The following EML6 variants were observed in gnomAD, a reference collection of about 807,000 sequenced individuals.
EML6 encodes echinoderm microtubule-associated protein-like 6.
Under a neutral mutation model 240.1 loss-of-function variants are expected in EML6, and 154 were observed. That is an observed-to-expected ratio of 0.64 (90% confidence interval 0.56 to 0.73). The LOEUF is 0.73. EML6 is among the 30% of genes least tolerant of loss of function. EML6 has a pLI of 0.00. For synonymous variants in EML6, 1,148 were observed against 899.0 expected (o/e 1.28, Z -4.95); for missense variants, 2,964 against 2,474.6 (o/e 1.20, Z -4.20).
In EML6 at chr2:54,793,666, A is replaced by G. The variant is rs374824313; in HGVS notation, c.198-19566A>G. Among the ~76,000 whole-genome samples the G allele has an allele frequency of 2.2e-4, 33 of 152,206 alleles. No homozygotes were observed. The East Asian group carries it at 6.0e-3, about 28-fold the overall frequency. ...TACCCCAGTTCTTTTCAGGAAAGCA[A>G]TGTCCCTGTAGGAAACATTGGCCAG... On this transcript the variant is annotated intron_variant, in intron 2 of 41. Coordinates refer to ENST00000356458, the MANE Select transcript of EML6 (RefSeq NM_001039753.4).
intron 24 of EML6, among the ~76,000 whole-genome samples, chr2:54,904,994 A>G (rs1226313820): frequency 1.3e-5 from 2 of 152,204 alleles, no homozygotes; most frequent in African/African-American, 4.8e-5. Context: ...ACGGTGCAGT[A>G]GATAGAGAAA....
At chr2:54,953,232 G>A (rs568160106) in intron 31 of EML6, among the ~76,000 whole-genome samples, 7 of 152,290 alleles carry the variant, frequency 4.6e-5, no homozygotes, top group Non-Finnish European at 8.8e-5. Context: ...TGTTGGAAAC[G>A]TGACTTATTT....
At chr2:54,890,058 C>A (rs1672384912) in intron 17 of EML6, among the ~76,000 whole-genome samples, 1 of 152,176 alleles carries the variant, frequency 6.6e-6, no homozygotes, top group African/African-American at 2.4e-5. Flanking sequence ...TTAATTTCTA[C>A]TGTATTGGGT....
intron 25 of EML6, among the ~76,000 whole-genome samples, chr2:54,913,176 T>G (rs1260156283): frequency 6.6e-6 from 1 of 151,322 alleles, no homozygotes; most frequent in Non-Finnish European, 1.5e-5. Flanking sequence ...GTGATAAACA[T>G]TTTTTCATAT....
chr2:54,930,409 C>G (rs1001250406), intron 28 of EML6, among the ~76,000 whole-genome samples: 1 of 152,106 alleles, frequency 6.6e-6, no homozygotes, highest in East Asian at 1.9e-4. Context: ...TAGAGAGGAC[C>G]CTAAGAATTT....
At chr2:54,924,542 CTTA>C (rs1197229989) in intron 26 of EML6, among the ~76,000 whole-genome samples, 1 of 152,038 alleles carries the variant, frequency 6.6e-6, no homozygotes, top group Non-Finnish European at 1.5e-5. Flanking sequence ...GATAAAATCA[CTTA>C]TTTTTTTTTA....
At position 54,724,563 on chromosome 2, in the gene EML6, A is replaced by G. The variant is rs1172400599; in HGVS notation, c.-499A>G. The G allele has an allele frequency of 6.6e-6, 1 of 152,048 alleles. No homozygotes were observed. Among genetic ancestry groups the G allele is most frequent in the Admixed American group, 6.5e-5 (1 of 15,282 alleles). The allele number at this position is 152,048 out of a possible 1,614,324, so 9.4% of individuals were successfully genotyped here. A position where few individuals can be genotyped will look rare whatever the true frequency, so the allele number is the denominator to read the frequency against. ...CCTGGATATAGACTGTCAATTTCGG[A>G]TCCAAAGACGGCGATGGCAGAGCTC... On this transcript the variant is annotated 5_prime_UTR_variant, in exon 2 of 42. Coordinates refer to ENST00000356458, the MANE Select transcript of EML6 (RefSeq NM_001039753.4). This position sits in a 1 kb window ranked among gnomAD's most constrained non-coding sequence, Gnocchi z 5.2.
chr2:54,723,622 A>G (rs1343415767), upstream of EML6: 2 of 152,186 alleles, frequency 1.3e-5, no homozygotes, highest in Non-Finnish European at 1.5e-5. Flanking sequence ...CCGCCCCCGG[A>G]GCCCCGGCTG....
chr2:54,897,135 C>T (rs964221791), intron 21 of EML6, among the ~76,000 whole-genome samples: 2 of 151,864 alleles, frequency 1.3e-5, no homozygotes, highest in African/African-American at 2.4e-5. Context: ...AAATTGTTTC[C>T]ATGTATGCTA....
At chr2:54,929,509 T>G (rs1289680707) in intron 28 of EML6, among the ~76,000 whole-genome samples, 1 of 152,232 alleles carries the variant, frequency 6.6e-6, no homozygotes, top group Non-Finnish European at 1.5e-5. Flanking sequence ...CTCAAAGATG[T>G]TTTAATAATT....
chr2:54,934,955 T>C (rs909422532), intron 28 of EML6, among the ~76,000 whole-genome samples: 1 of 152,252 alleles, frequency 6.6e-6, no homozygotes, highest in Admixed American at 6.5e-5. Flanking sequence ...AAATCACTTG[T>C]CACTCTGCCC....
intron 5 of EML6, among the ~76,000 whole-genome samples, chr2:54,823,016 C>G (rs1231322603): frequency 6.6e-6 from 1 of 152,134 alleles, no homozygotes; most frequent in Non-Finnish European, 1.5e-5. Context: ...TTAGCAGCAG[C>G]TGGAGGCTCC....
At chr2:54,812,942 T>C (rs1667922875) in intron 2 of EML6, among the ~76,000 whole-genome samples, 1 of 152,188 alleles carries the variant, frequency 6.6e-6, no homozygotes, top group Admixed American at 6.5e-5. Context: ...AAAGCAATTA[T>C]AAAACTATAC....
At chr2:54,900,847 C>A (rs183334412) in intron 22 of EML6, among the ~76,000 whole-genome samples, 1 of 152,144 alleles carries the variant, frequency 6.6e-6, no homozygotes, top group African/African-American at 2.4e-5. Flanking sequence ...GCACAAAGTA[C>A]CCTGGAGCCT....
At chr2:54,833,028 C>G (rs868335437) in intron 7 of EML6, among the ~76,000 whole-genome samples, 1 of 152,218 alleles carries the variant, frequency 6.6e-6, no homozygotes, top group Non-Finnish European at 1.5e-5. Flanking sequence ...GTAGCGATTT[C>G]TCATCTTACT....
Position 54,916,859 on chromosome 2 carries a change from G to C in EML6, c.3599G>C (p.Ser1200Thr). 3 of 1,550,986 alleles carry C rather than the reference G, an allele frequency of 1.9e-6. No individual in the cohort carries two copies. Among genetic ancestry groups the C allele is most frequent in the Non-Finnish European group, 2.6e-6 (3 of 1,146,428 alleles). The change falls in exon 26 of 42, where the codon AGT (serine) becomes ACT (threonine). Residue 1200 changes from serine (S) to threonine (T), a missense_variant. Coordinates refer to ENST00000356458, the MANE Select transcript of EML6 (RefSeq NM_001039753.4). ...GATATAACTGACGTAAATGCTGCCA[G>C]TCTTACCAAAGACTGTTCCCTTTTA... ...HSDITDVNAA[S>T]LTKDCSLLAT...
chr2:54,916,109 G>C (rs1673895931), intron 25 of EML6, among the ~76,000 whole-genome samples: 1 of 152,200 alleles, frequency 6.6e-6, no homozygotes, highest in African/African-American at 2.4e-5. Context: ...TTTTAAAGTA[G>C]TCTCTCTAGA....
intron 28 of EML6, among the ~76,000 whole-genome samples, chr2:54,936,094 A>G (rs552491346): frequency 3.9e-5 from 6 of 152,342 alleles, no homozygotes; most frequent in African/African-American, 1.4e-4. Context: ...TCATTATCAC[A>G]TTAAGAGAAA....
chr2:54,888,673 C>A (rs1288722365), intron 17 of EML6, among the ~76,000 whole-genome samples: 2 of 152,134 alleles, frequency 1.3e-5, no homozygotes, highest in Non-Finnish European at 2.9e-5. Flanking sequence ...TACATTTCTT[C>A]CATGTGTTTT....
Sources: allele counts gnomAD v4.1 joint callset (sites outside exome capture counted in the v4.1 genomes callset), GRCh38; gene constraint gnomAD v4.1.1; non-coding constraint Gnocchi (gnomAD v3.1); transcripts MANE v1.5; gene names NCBI Gene and HGNC (gene_info 2026-07-23, HGNC 2026-07-21).